MAP3K13: variants seen among roughly 807,000 people sequenced by gnomAD.
MAP3K13 encodes leucine zipper-bearing kinase.
A neutral mutation model predicts 104.0 loss-of-function variants in MAP3K13; 52 were observed. The observed-to-expected ratio is 0.50, with a 90% CI of 0.40 to 0.63. The LOEUF (loss-of-function observed/expected upper bound fraction) is 0.63. Among genes scored for constraint, MAP3K13 ranks in the 20% least tolerant of loss-of-function variants. The probability of loss-of-function intolerance (pLI) is 0.00; values close to 1 mark genes in which losing one functional copy is unlikely to be tolerated. For missense variants in MAP3K13, 914 were observed against 1,218.5 expected, an observed-to-expected ratio of 0.75 and a Z score of 3.72; for synonymous variants, 394 against 442.2, an observed-to-expected ratio of 0.89 and a Z score of 1.37.
chr3:185,469,945 T>A (rs886660686), intron 10 of MAP3K13, among the ~76,000 whole-genome samples: 1 of 152,076 alleles, frequency 6.6e-6, no homozygotes, highest in Non-Finnish European at 1.5e-5. Flanking sequence ...CTTTGTCACA[T>A]ATGGTGAAGA....
In MAP3K13 at chr3:185,442,169, G is replaced by A. The variant is rs1381777509; in HGVS notation, c.660-1276G>A. On this transcript the variant is annotated intron_variant, in intron 3 of 13. Coordinates refer to ENST00000265026, the MANE Select transcript of MAP3K13 (RefSeq NM_004721.5). Reference sequence around the variant, plus strand: ...TGCACCACTGCACTCCAACCTGGATGACAGAGCGAGACTCTTTCTTAAAAA... The same window carrying A: ...TGCACCACTGCACTCCAACCTGGATAACAGAGCGAGACTCTTTCTTAAAAA... Among the ~76,000 whole-genome samples the A allele has an allele frequency of 3.4e-5, 5 of 148,568 alleles. No individual in the cohort carries two copies. The South Asian group carries it at 8.6e-4, about 26-fold the overall frequency.
intron 2 of MAP3K13, among the ~76,000 whole-genome samples, chr3:185,308,833 G>A (rs1163277983): frequency 6.6e-6 from 1 of 152,182 alleles, no homozygotes; most frequent in Non-Finnish European, 1.5e-5. Flanking sequence ...GGCCTATTAT[G>A]GGTGAAATGC....
At chr3:185,395,580 G>T (rs1243581165) in intron 1 of MAP3K13, among the ~76,000 whole-genome samples, 3 of 149,982 alleles carry the variant, frequency 2.0e-5, no homozygotes, top group South Asian at 4.3e-4. Flanking sequence ...GGATGGTCTC[G>T]ATCTCCTGAC....
chr3:185,471,259 AGCAAAAT>A (rs1001191750), intron 10 of MAP3K13, among the ~76,000 whole-genome samples: 1 of 151,760 alleles, frequency 6.6e-6, no homozygotes, highest in African/African-American at 2.4e-5. Flanking sequence ...AAAGTCAACA[AGCAAAAT>A]GCTTTGAGCA....
chr3:185,319,071 A>G (rs1721771609), intron 2 of MAP3K13, among the ~76,000 whole-genome samples: 1 of 152,092 alleles, frequency 6.6e-6, no homozygotes, highest in Non-Finnish European at 1.5e-5. Flanking sequence ...CATGTTTTTG[A>G]ACTTTATAAA....
At chr3:185,451,447 A>C in intron 7 of MAP3K13, 52 bp downstream of exon 7, 18 of 1,197,424 alleles carry the variant, frequency 1.5e-5, no homozygotes, top group Non-Finnish European at 2.1e-5. Context: ...GAGAACTCTC[A>C]ATGAAACAGA....
chr3:185,412,540 G>A (rs1013262985), intron 1 of MAP3K13, among the ~76,000 whole-genome samples: 1 of 152,106 alleles, frequency 6.6e-6, no homozygotes, highest in African/African-American at 2.4e-5. Flanking sequence ...AGTGAAAAAT[G>A]GCCAATCTTT....
At chr3:185,295,041 C>T (rs1262906720) in intron 2 of MAP3K13, among the ~76,000 whole-genome samples, 1 of 152,152 alleles carries the variant, frequency 6.6e-6, no homozygotes, top group Non-Finnish European at 1.5e-5. Context: ...CAATTCTAAT[C>T]TTTTTGGTCC....
In MAP3K13 at chr3:185,480,368, C is replaced by T. The variant is rs572889019; in HGVS notation, c.2638C>T (p.Arg880Cys). 6.4e-5 allele frequency: 103 copies of T among 1,614,160 alleles called. No homozygotes were observed. Among genetic ancestry groups the T allele is most frequent in the South Asian group, 1.8e-4 (16 of 91,078 alleles). ...TGAGTTAGCTGATAAACTTGAAGAC[C>T]GCTTGGCAGAGAAGCTAGACGACCT... is the stretch of plus-strand genomic sequence containing the variant. ...PDELADKLED[R>C]LAEKLDDLLS... Residue 880 changes from arginine (R) to cysteine (C), a missense_variant, in exon 13 of 14, where the codon CGC becomes TGC. Physicochemically the swap from Arg to Cys is radical, Grantham distance 180 (BLOSUM62 -3). Transcript: ENST00000265026.
chr3:185,430,795 G>A (rs1034218306), intron 2 of MAP3K13, among the ~76,000 whole-genome samples: 1 of 152,094 alleles, frequency 6.6e-6, no homozygotes, highest in African/African-American at 2.4e-5. Context: ...TTATATATTA[G>A]GTTAGTCTAT....
intron 1 of MAP3K13, among the ~76,000 whole-genome samples, chr3:185,385,224 CA>C (rs1399965384): frequency 6.6e-6 from 1 of 152,166 alleles, no homozygotes; most frequent in African/African-American, 2.4e-5. Flanking sequence ...AATCTTGGCT[CA>C]CTGCAACCTC....
chr3:185,458,768 G>A (rs1174479221), intron 7 of MAP3K13, among the ~76,000 whole-genome samples: 1 of 152,182 alleles, frequency 6.6e-6, no homozygotes, highest in Non-Finnish European at 1.5e-5. Flanking sequence ...AAGAGGTGCT[G>A]CCAAGAGTCC....
At chr3:185,286,902 T>G (rs1206052727) in intron 2 of MAP3K13, among the ~76,000 whole-genome samples, 1 of 152,102 alleles carries the variant, frequency 6.6e-6, no homozygotes, top group African/African-American at 2.4e-5. Flanking sequence ...TTCATAATGC[T>G]AGGAAACAAA....
intron 2 of MAP3K13, among the ~76,000 whole-genome samples, chr3:185,316,228 A>C (rs548187289): frequency 1.3e-5 from 2 of 152,334 alleles, no homozygotes; most frequent in South Asian, 4.1e-4. Flanking sequence ...ATATCCTTTC[A>C]GACATCTCTC....
chr3:185,321,218 A>G (rs1721856114), intron 2 of MAP3K13, among the ~76,000 whole-genome samples: 1 of 151,956 alleles, frequency 6.6e-6, no homozygotes. Context: ...GCACACACAT[A>G]TGCGTGCACA....
At chr3:185,293,537 C>T (rs1041800211) in intron 2 of MAP3K13, among the ~76,000 whole-genome samples, 1 of 152,058 alleles carries the variant, frequency 6.6e-6, no homozygotes, top group African/African-American at 2.4e-5. Context: ...GGTCCTCTCA[C>T]CTCAGCCTCC....
chr3:185,394,980 G>T (rs1210660663), intron 1 of MAP3K13, among the ~76,000 whole-genome samples: 1 of 152,138 alleles, frequency 6.6e-6, no homozygotes, highest in Non-Finnish European at 1.5e-5. Context: ...CTTCATGGAA[G>T]TTGATATTTT....
chr3:185,359,007 A>G (rs1201769613), upstream of MAP3K13, among the ~76,000 whole-genome samples: 2 of 152,188 alleles, frequency 1.3e-5, no homozygotes, highest in Non-Finnish European at 2.9e-5. Context: ...TCACTAATAG[A>G]TATTTTTAGA....
chr3:185,441,590 A>T (rs936323335), intron 3 of MAP3K13, among the ~76,000 whole-genome samples: 2 of 152,208 alleles, frequency 1.3e-5, no homozygotes, highest in Non-Finnish European at 2.9e-5. Flanking sequence ...TGATGCAAAT[A>T]AAGGCTAATA....
Sources: allele counts gnomAD v4.1 joint callset (sites outside exome capture counted in the v4.1 genomes callset), GRCh38; gene constraint gnomAD v4.1.1; transcripts MANE v1.5; gene names NCBI Gene and HGNC (gene_info 2026-07-23, HGNC 2026-07-21).